The following NBEA variants were observed in gnomAD, a reference collection of about 807,000 sequenced individuals.
NBEA encodes lysosomal-trafficking regulator 2.
In NBEA, 44 loss-of-function variants were observed where a neutral mutation model predicts 343.4. The ratio of observed to expected loss-of-function variants is 0.13; its 90% CI spans 0.10 to 0.16. The LOEUF (loss-of-function observed/expected upper bound fraction) is 0.16, where lower values mean the gene tolerates loss of function less well. Ranked by LOEUF, NBEA falls within the 10% of genes least tolerant of loss-of-function variation. The pLI is 1.00. For synonymous variants in NBEA, 1,175 were observed against 1,238.7 expected (o/e 0.95, Z 1.08); for missense variants, 2,555 against 3,631.3 (o/e 0.70, Z 7.62).
intron 36 of NBEA, among the ~76,000 whole-genome samples, chr13:35,324,127 T>G (rs2152842764): frequency 6.6e-6 from 1 of 152,210 alleles, no homozygotes; most frequent in Non-Finnish European, 1.5e-5. Flanking sequence ...AGAAGTGAAT[T>G]AACAGGGGCT....
chr13:35,307,658 G>A (rs2036987106), intron 35 of NBEA, among the ~76,000 whole-genome samples: 1 of 151,970 alleles, frequency 6.6e-6, no homozygotes, highest in Non-Finnish European at 1.5e-5. Flanking sequence ...CAGAAAATCA[G>A]GTGTAAGAAG....
At chr13:35,410,297 A>G (rs899666250) in intron 38 of NBEA, among the ~76,000 whole-genome samples, 1 of 152,188 alleles carries the variant, frequency 6.6e-6, no homozygotes, top group African/African-American at 2.4e-5. Context: ...TCTGAGCCAT[A>G]GCTTTACAGT....
chr13:35,201,719 A>C (rs966170017), intron 31 of NBEA, among the ~76,000 whole-genome samples: 11 of 152,100 alleles, frequency 7.2e-5, no homozygotes, highest in African/African-American at 2.7e-4. Context: ...AAATTTCCAA[A>C]ATCCTATTTA....
chr13:35,189,816 A>G (rs2072038553), intron 30 of NBEA, among the ~76,000 whole-genome samples: 1 of 152,076 alleles, frequency 6.6e-6, no homozygotes, highest in Non-Finnish European at 1.5e-5. Context: ...GTCAAAATCA[A>G]CTTTTTCAGT....
intron 38 of NBEA, among the ~76,000 whole-genome samples, chr13:35,363,219 A>T (rs1454144211): frequency 6.6e-6 from 1 of 151,914 alleles, no homozygotes; most frequent in East Asian, 1.9e-4. Context: ...TTAGGTAGAA[A>T]TTTTAATAAT....
At chr13:35,640,060 T>G (rs1331345599) in intron 49 of NBEA, among the ~76,000 whole-genome samples, 1 of 152,200 alleles carries the variant, frequency 6.6e-6, no homozygotes, top group Non-Finnish European at 1.5e-5. Flanking sequence ...CGAAAGTTTT[T>G]GCCTACCACA....
rs769896169 is a variant in NBEA, at chr13:35,010,726, C to CA, written c.295-30191dup. Among the ~76,000 whole-genome samples the CA allele has an allele frequency of 5.6e-3, 54 of 9,696 alleles. 2 individuals are homozygous for CA. The highest frequency in any genetic ancestry group is 8.5e-3 in the East Asian group (3 of 354). 6.4% of individuals were successfully genotyped at this position (9,696 alleles called of 152,430 possible). A position where few individuals can be genotyped will look rare whatever the true frequency, so the allele number is the denominator to read the frequency against. ...ACAACATAGCAAGACTGGGTCTCTA[C>CA]AAAAAAAAAAAAAAAATATATATAT... is the stretch of plus-strand genomic sequence containing the variant. On this transcript the variant is annotated intron_variant, in intron 1 of 58. Transcript: ENST00000379939.
At chr13:35,599,006 A>G (rs2081930786) in intron 47 of NBEA, among the ~76,000 whole-genome samples, 1 of 152,180 alleles carries the variant, frequency 6.6e-6, no homozygotes, top group Non-Finnish European at 1.5e-5. Flanking sequence ...ACCATTGGTC[A>G]CTTTCAGCAT....
Position 35,142,374 on chromosome 13 carries a change from T to C in NBEA, c.2442T>C (p.Tyr814=). 6.2e-7 allele frequency: 1 copy of C among 1,608,754 alleles called. No homozygotes were observed. Among genetic ancestry groups the C allele is most frequent in the Non-Finnish European group, 8.5e-7 (1 of 1,176,018 alleles). ...CTGTCACCACATACAACACACTTTATGAGGTAAAAATAAAAAATGTGTGAT... is the reference window on the plus strand; with the variant it reads ...CTGTCACCACATACAACACACTTTACGAGGTAAAAATAAAAAATGTGTGAT... The part of the protein sequence containing the change: ...TVTVTTYNTL[Y]EILTEQVCTQ... The change falls in exon 18 of 59, where the codon TAT becomes TAC. Residue 814 remains tyrosine, a synonymous_variant. Transcript: ENST00000379939.
intron 33 of NBEA, among the ~76,000 whole-genome samples, chr13:35,214,739 A>G (rs1036096772): frequency 1.3e-5 from 2 of 151,750 alleles, no homozygotes; most frequent in Non-Finnish European, 3.0e-5. Context: ...GATTTGTGCC[A>G]TTTGTAAATC....
At chr13:35,655,069 C>G (rs959638085) in intron 54 of NBEA, 59 bp downstream of exon 54, 1 of 1,298,406 alleles carries the variant, frequency 7.7e-7, no homozygotes, top group Non-Finnish European at 1.0e-6. Context: ...AAAACCAAAG[C>G]TGAATATGAA....
Position 35,632,785 on chromosome 13 carries a change from G to C in NBEA, c.7617+4537G>C, listed in dbSNP as rs188760630. On this transcript the variant is annotated intron_variant, in intron 49 of 58. Transcript: ENST00000379939. ...ATTTTTGTATTTTTAGTAGAGACAG[G>C]GTTTCACCATGTTGGCCAGGATGGT... Among the ~76,000 whole-genome samples the C allele has an allele frequency of 2.7e-3, 409 of 151,908 alleles. 1 individual carries two copies. Among genetic ancestry groups the C allele is most frequent in the African/African-American group, 9.4e-3 (390 of 41,438 alleles).
chr13:35,359,191 A>G (rs573600219), intron 38 of NBEA, among the ~76,000 whole-genome samples: 2 of 152,360 alleles, frequency 1.3e-5, no homozygotes, highest in South Asian at 4.1e-4. Flanking sequence ...GAAGACACAT[A>G]TGCAGGATAA....
At chr13:35,083,628 C>T (rs1341372257) in intron 10 of NBEA, among the ~76,000 whole-genome samples, 1 of 152,096 alleles carries the variant, frequency 6.6e-6, no homozygotes, top group East Asian at 1.9e-4. Flanking sequence ...TGGAAAGGAA[C>T]AACTGGTACC....
chr13:35,096,776 TA>T (rs1191396117), intron 10 of NBEA, among the ~76,000 whole-genome samples: 2 of 152,074 alleles, frequency 1.3e-5, no homozygotes, highest in East Asian at 3.9e-4. Flanking sequence ...ACTTAGCAAT[TA>T]TTCGTGAAGT....
intron 40 of NBEA, among the ~76,000 whole-genome samples, chr13:35,464,697 GT>G (rs2047078191): frequency 6.6e-6 from 1 of 152,166 alleles, no homozygotes; most frequent in African/African-American, 2.4e-5. Context: ...GGAGATGATA[GT>G]AGTGCTATCA....
At chr13:35,069,568 A>C (rs1311002521) in intron 8 of NBEA, among the ~76,000 whole-genome samples, 1 of 152,114 alleles carries the variant, frequency 6.6e-6, no homozygotes, top group Non-Finnish European at 1.5e-5. Context: ...TACTTTTTAA[A>C]GTGTTAACAA....
chr13:35,486,672 A>T lies in NBEA; in HGVS notation c.6585+14136A>T, dbSNP rs75861945. 9.7e-3 allele frequency among the ~76,000 whole-genome samples: 1,481 copies of T among 152,198 alleles called. 31 individuals are homozygous for T. The highest frequency in any genetic ancestry group is 0.034 in the African/African-American group (1,431 of 41,548). ...CTAGACTACATATGTCCATAGCCAG[A>T]TATAATTCATAGAAACTGCTACTAG... is the stretch of plus-strand genomic sequence containing the variant. On this transcript the variant is annotated intron_variant, in intron 41 of 58. Transcript: ENST00000379939.
intron 8 of NBEA, among the ~76,000 whole-genome samples, chr13:35,067,324 G>T (rs2063691025): frequency 6.6e-6 from 1 of 151,142 alleles, no homozygotes; most frequent in Admixed American, 6.6e-5. Context: ...TACCTTCTTT[G>T]TTATGCTGAA....
Sources: allele counts gnomAD v4.1 joint callset (sites outside exome capture counted in the v4.1 genomes callset), GRCh38; gene constraint gnomAD v4.1.1; transcripts MANE v1.5; gene names NCBI Gene and HGNC (gene_info 2026-07-23, HGNC 2026-07-21).